The following UBASH3B variants were observed in gnomAD, a reference collection of about 807,000 sequenced individuals.
The protein encoded by UBASH3B is ubiquitin-associated and SH3 domain-containing protein B.
In UBASH3B, 37 loss-of-function variants were observed where a neutral mutation model predicts 83.4. The ratio of observed to expected loss-of-function variants is 0.44; its 90% CI spans 0.34 to 0.58. The LOEUF is 0.58. Among genes scored for constraint, UBASH3B ranks in the 20% least tolerant of loss-of-function variants. UBASH3B has a pLI of 0.01. For missense variants in UBASH3B, 657 were observed against 827.2 expected (o/e 0.79, Z 2.52); for synonymous variants, 304 against 318.3 (o/e 0.96, Z 0.48).
intron 1 of UBASH3B, among the ~76,000 whole-genome samples, chr11:122,724,792 G>A (rs1292747211): frequency 6.6e-6 from 1 of 152,062 alleles, no homozygotes; most frequent in Admixed American, 6.5e-5. Context: ...TGCATGAAAA[G>A]GAAGTGGGAG....
intron 1 of UBASH3B, among the ~76,000 whole-genome samples, chr11:122,692,449 G>A (rs1471756324): frequency 3.3e-5 from 5 of 152,070 alleles, no homozygotes; most frequent in Non-Finnish European, 5.9e-5. Flanking sequence ...ATAATTTACC[G>A]AATTACAGCA....
chr11:122,808,226 C>A (rs1861376515), intron 13 of UBASH3B, 50 bp downstream of exon 13: 5 of 1,415,760 alleles, frequency 3.5e-6, no homozygotes, highest in South Asian at 2.3e-5. Context: ...AGTTTGAAGT[C>A]AGTACAGTGA....
chr11:122,796,355 A>G (rs1861156836), intron 8 of UBASH3B, 79 bp downstream of exon 8: 1 of 1,562,948 alleles, frequency 6.4e-7, no homozygotes, highest in Admixed American at 1.9e-5. Context: ...ACAGTTATCT[A>G]GATGGAGTCA....
chr11:122,714,880 G>C (rs1230402456), intron 1 of UBASH3B, among the ~76,000 whole-genome samples: 6 of 152,196 alleles, frequency 3.9e-5, no homozygotes, highest in Non-Finnish European at 7.3e-5. Flanking sequence ...TCTGTAAAGT[G>C]AGTGCAATTT....
intron 1 of UBASH3B, among the ~76,000 whole-genome samples, chr11:122,719,606 A>G (rs1191976982): frequency 6.6e-6 from 1 of 152,200 alleles, no homozygotes; most frequent in African/African-American, 2.4e-5. Context: ...AATCAGCCTT[A>G]GTAGCTGGAA....
chr11:122,711,056 T>C (rs534170175), intron 1 of UBASH3B, among the ~76,000 whole-genome samples: 10 of 152,350 alleles, frequency 6.6e-5, no homozygotes, highest in African/African-American at 2.4e-4. Flanking sequence ...CCCTGTTCTC[T>C]GATGACTGTT....
At chr11:122,729,350 C>G (rs1591789714) in intron 1 of UBASH3B, among the ~76,000 whole-genome samples, 1 of 152,114 alleles carries the variant, frequency 6.6e-6, no homozygotes, top group Admixed American at 6.5e-5. Context: ...GTGTGAGAGG[C>G]CCTGGTGCCT....
chr11:122,733,565 G>T (rs1050676137), intron 1 of UBASH3B, among the ~76,000 whole-genome samples: 12 of 152,154 alleles, frequency 7.9e-5, no homozygotes, highest in African/African-American at 2.9e-4. Context: ...TTTCTTAATG[G>T]GTGTTGACAG....
intron 3 of UBASH3B, 108 bp from the exon 4 acceptor site, chr11:122,779,389 G>A (rs770329016): frequency 2.1e-4 from 255 of 1,210,064 alleles, no homozygotes; most frequent in Non-Finnish European, 2.9e-4. Context: ...TTAAGTAATT[G>A]CATTATCAGC....
chr11:122,743,676 C>T (rs1296739017), intron 1 of UBASH3B, among the ~76,000 whole-genome samples: 1 of 152,184 alleles, frequency 6.6e-6, no homozygotes, highest in Non-Finnish European at 1.5e-5. Context: ...TGTGAATATT[C>T]GAAAGCAGGT....
At chr11:122,713,732 C>T (rs543178952) in intron 1 of UBASH3B, among the ~76,000 whole-genome samples, 49 of 140,404 alleles carry the variant, frequency 3.5e-4, no homozygotes, top group South Asian at 2.2e-3. Flanking sequence ...GGCGACAAAG[C>T]GAGACTCCAT....
At position 122,809,783 on chromosome 11, in the gene UBASH3B, T is replaced by C. The variant is rs147400596; in HGVS notation, c.1847T>C (p.Leu616Ser). 2 of 1,614,050 alleles carry C rather than the reference T, an allele frequency of 1.2e-6. No individual in the cohort carries two copies. The highest frequency in any genetic ancestry group is 2.7e-5 in the African/African-American group (2 of 74,912). The change falls in exon 14 of 14, where the codon TTA (leucine) becomes TCA (serine). Residue 616 changes from leucine (L) to serine (S), a missense_variant. Around this residue, in one of 3 missense-constraint regions of UBASH3B, gnomAD observed 573 missense variants for 739.0 expected, o/e 0.78. Coordinates refer to ENST00000284273, the MANE Select transcript of UBASH3B (RefSeq NM_032873.5). Reference sequence around the variant, plus strand: ...CTGGGATTTTGTTCCTGTGAAGAATTAGGAGAAACTGGAATATGGCAGCTG... The same window carrying C: ...CTGGGATTTTGTTCCTGTGAAGAATCAGGAGAAACTGGAATATGGCAGCTG... The part of the protein sequence containing the change: ...PYLGFCSCEE[L>S]GETGIWQLTD...
At chr11:122,733,666 T>C (rs1860882648) in intron 1 of UBASH3B, among the ~76,000 whole-genome samples, 3 of 152,228 alleles carry the variant, frequency 2.0e-5, no homozygotes, top group Non-Finnish European at 4.4e-5. Context: ...AATTTTTGCT[T>C]TACAGACACC....
At chr11:122,724,686 G>A (rs1464475499) in intron 1 of UBASH3B, among the ~76,000 whole-genome samples, 1 of 144,230 alleles carries the variant, frequency 6.9e-6, no homozygotes, top group Non-Finnish European at 1.6e-5. Flanking sequence ...GGGGAAAGGG[G>A]AACGGCATTC....
chr11:122,793,846 T>C (rs1336179450), intron 6 of UBASH3B, among the ~76,000 whole-genome samples: 1 of 152,118 alleles, frequency 6.6e-6, no homozygotes, highest in African/African-American at 2.4e-5. Flanking sequence ...GGAGGCGTGA[T>C]TGAGGGGGAG....
intron 1 of UBASH3B, among the ~76,000 whole-genome samples, chr11:122,747,680 C>T (rs982413790): frequency 3.9e-5 from 6 of 152,218 alleles, no homozygotes; most frequent in African/African-American, 1.2e-4. Context: ...TGGGGAACGT[C>T]TTTAAGCTTC....
intron 1 of UBASH3B, among the ~76,000 whole-genome samples, chr11:122,753,729 A>G (rs1300733790): frequency 6.6e-6 from 1 of 151,988 alleles, no homozygotes; most frequent in African/African-American, 2.4e-5. Context: ...TCCTGATCTC[A>G]GATGATCCAC....
intron 6 of UBASH3B, among the ~76,000 whole-genome samples, chr11:122,790,711 C>A (rs531113104): frequency 3.6e-4 from 54 of 151,990 alleles, no homozygotes; most frequent in African/African-American, 1.3e-3. Context: ...CTTTGGGAGG[C>A]CAGGGTGGGT....
chr11:122,685,287 T>C (rs190117998), intron 1 of UBASH3B, among the ~76,000 whole-genome samples: 47 of 152,322 alleles, frequency 3.1e-4, no homozygotes, highest in Non-Finnish European at 5.7e-4. Context: ...AGCAAAGACC[T>C]TGACTGTCTT....
Sources: gnomAD v4.1 joint callset for allele counts (sites outside exome capture counted in the v4.1 genomes callset) on GRCh38, gnomAD v4.1.1 for gene constraint, gnomAD v4.1.1 regional missense constraint, MANE v1.5 for transcripts, NCBI Gene and HGNC (gene_info 2026-07-23, HGNC 2026-07-21) for gene names.